Variants in ADGRG7 observed in about 807,000 individuals in gnomAD.
The protein encoded by ADGRG7 is adhesion G protein-coupled receptor G7, also known as G-protein coupled receptor 128.
In ADGRG7, 82 loss-of-function variants were observed where a neutral mutation model predicts 88.6. The ratio of observed to expected loss-of-function variants is 0.93; its 90% CI spans 0.77 to 1.11. ADGRG7 has a LOEUF of 1.11. Among genes scored for constraint, ADGRG7 ranks in the 50% most tolerant of loss-of-function variants. ADGRG7 has a pLI of 0.00. For missense variants in ADGRG7, 945 were observed against 953.4 expected, an observed-to-expected ratio of 0.99 and a Z score of 0.12; for synonymous variants, 381 against 345.2, an observed-to-expected ratio of 1.10 and a Z score of -1.15.
chr3:100,658,777 G>A (rs368500037), intron 13 of ADGRG7, among the ~76,000 whole-genome samples: 3 of 151,918 alleles, frequency 2.0e-5, no homozygotes, highest in African/African-American at 7.2e-5. Flanking sequence ...CATGGCATTC[G>A]TCACCATCTG....
At chr3:100,649,483 G>A (rs941177496) in intron 10 of ADGRG7, among the ~76,000 whole-genome samples, 1 of 152,144 alleles carries the variant, frequency 6.6e-6, no homozygotes. Flanking sequence ...GAATTAGTTA[G>A]ATAATTATTC....
At chr3:100,616,682 G>A (rs1027247139) in intron 1 of ADGRG7, among the ~76,000 whole-genome samples, 5 of 152,076 alleles carry the variant, frequency 3.3e-5, no homozygotes, top group Admixed American at 1.3e-4. Flanking sequence ...ATAACCAGGC[G>A]TAGTGGCGCC....
chr3:100,666,147 G>A (rs1247915362), intron 14 of ADGRG7, among the ~76,000 whole-genome samples: 1 of 151,854 alleles, frequency 6.6e-6, no homozygotes, highest in East Asian at 1.9e-4. Flanking sequence ...GCCTTGAAGG[G>A]GTGGGTTGCC....
chr3:100,659,569 A>G, intron 13 of ADGRG7, 119 bp from the exon 14 acceptor site: 3 of 768,460 alleles, frequency 3.9e-6, no homozygotes, highest in Non-Finnish European at 4.1e-6. Context: ...TAAAATGCAG[A>G]GGGATGTTAA....
rs1707529444 is a variant in ADGRG7, at chr3:100,635,761, A to T, written c.532A>T (p.Asn178Tyr). ...TSDANKLTAE[N>Y]ITSATRVVGQ... Reference sequence around the variant, plus strand: ...TGATGCCAATAAATTAACTGCTGAGAACATCACTAGTGCTACGCGAGTGGT... The same window carrying T: ...TGATGCCAATAAATTAACTGCTGAGTACATCACTAGTGCTACGCGAGTGGT... Residue 178 changes from asparagine (N) to tyrosine (Y), a missense_variant, in exon 5 of 16, where the codon AAC (asparagine) becomes TAC (tyrosine). Coordinates refer to ENST00000273352, the MANE Select transcript of ADGRG7 (RefSeq NM_032787.3). 6.2e-7 allele frequency: 1 copy of T among 1,614,034 alleles called. No homozygotes were observed.
intron 15 of ADGRG7, among the ~76,000 whole-genome samples, 191 bp downstream of exon 15, chr3:100,669,296 A>T (rs1145337): frequency 1.3e-5 from 2 of 151,684 alleles, no homozygotes; most frequent in African/African-American, 2.4e-5. Context: ...ACCATCCTGG[A>T]TAACATGGGG....
Position 100,655,146 on chromosome 3 carries a change from G to T in ADGRG7, c.1691G>T (p.Arg564Leu). Residue 564 changes from arginine (R) to leucine (L), a missense_variant, in exon 12 of 16, where the codon CGG becomes CTG. Coordinates refer to ENST00000273352, the MANE Select transcript of ADGRG7 (RefSeq NM_032787.3). ...LLIRTMKPLP[R>L]HFILFISLIG... is the part of the protein sequence containing the mutation. ...ATAAGGACCATGAAGCCTCTTCCTC[G>T]GCATTTCATTCTTTTCATCTCATTA... The T allele has an allele frequency of 1.9e-6, 3 of 1,612,010 alleles. No homozygotes were observed. Among genetic ancestry groups the T allele is most frequent in the Non-Finnish European group, 2.5e-6 (3 of 1,178,568 alleles).
chr3:100,667,250 T>C (rs2149034160), intron 14 of ADGRG7, among the ~76,000 whole-genome samples: 1 of 152,222 alleles, frequency 6.6e-6, no homozygotes, highest in Admixed American at 6.5e-5. Flanking sequence ...TACATAGGTA[T>C]ACATGTGCCA....
chr3:100,614,852 T>A (rs77750772), intron 1 of ADGRG7, among the ~76,000 whole-genome samples: 2,502 of 152,312 alleles, frequency 0.016, 72 homozygotes, highest in African/African-American at 0.057. Context: ...ATATGTTCTG[T>A]ATTTAAACTT....
chr3:100,658,414 T>C (rs917013295), intron 13 of ADGRG7, among the ~76,000 whole-genome samples: 9 of 152,350 alleles, frequency 5.9e-5, no homozygotes, highest in Non-Finnish European at 1.0e-4. Context: ...CCTGGATTAA[T>C]GTTTTTAAAA....
chr3:100,665,161 G>T, intron 14 of ADGRG7: 1 of 538,448 alleles, frequency 1.9e-6, no homozygotes. Flanking sequence ...TATTCTTACT[G>T]CCAGCATATA....
intron 6 of ADGRG7, among the ~76,000 whole-genome samples, chr3:100,642,491 A>G (rs1707659498): frequency 6.6e-6 from 1 of 152,236 alleles, no homozygotes; most frequent in Non-Finnish European, 1.5e-5. Flanking sequence ...TGACATATAG[A>G]ACAACTACAT....
chr3:100,637,470 T>A, intron 6 of ADGRG7, 68 bp downstream of exon 6: 2 of 996,116 alleles, frequency 2.0e-6, no homozygotes, highest in Non-Finnish European at 3.2e-6. Context: ...GCTAAAGTAT[T>A]AACAGAGATA....
chr3:100,676,155 C>T (rs1185031784), intron 15 of ADGRG7, among the ~76,000 whole-genome samples: 2 of 151,752 alleles, frequency 1.3e-5, no homozygotes, highest in African/African-American at 4.8e-5. Flanking sequence ...TTTTGATTTG[C>T]TCTTGCTTTT....
chr3:100,634,378 C>T (rs140385270), intron 4 of ADGRG7, among the ~76,000 whole-genome samples: 3 of 152,304 alleles, frequency 2.0e-5, no homozygotes, highest in Non-Finnish European at 4.4e-5. Flanking sequence ...GCACCTACTG[C>T]ATGCCAAATA....
chr3:100,643,716 A>C (rs1269955990), intron 8 of ADGRG7, 83 bp downstream of exon 8: 1 of 891,060 alleles, frequency 1.1e-6, no homozygotes, highest in African/African-American at 1.7e-5. Context: ...TAGGAGAAAT[A>C]ATGTCTACTT....
intron 1 of ADGRG7, among the ~76,000 whole-genome samples, chr3:100,628,269 T>G (rs1165250): frequency 2.0e-5 from 3 of 151,878 alleles, no homozygotes; most frequent in African/African-American, 7.3e-5. Context: ...GTTTTTTTTT[T>G]AAAAACGTTT....
At chr3:100,679,576 T>G (rs943080724) in intron 15 of ADGRG7, among the ~76,000 whole-genome samples, 2 of 152,220 alleles carry the variant, frequency 1.3e-5, no homozygotes, top group African/African-American at 4.8e-5. Context: ...CTCTCCTCCT[T>G]ACAGACTATT....
At chr3:100,679,352 C>T (rs1333271766) in intron 15 of ADGRG7, among the ~76,000 whole-genome samples, 1 of 152,206 alleles carries the variant, frequency 6.6e-6, no homozygotes, top group African/African-American at 2.4e-5. Context: ...AGGCAGTGTA[C>T]TCTCCTCAGG....
Sources: gnomAD v4.1 joint callset for allele counts (sites outside exome capture counted in the v4.1 genomes callset) on GRCh38, gnomAD v4.1.1 for gene constraint, MANE v1.5 for transcripts, NCBI Gene and HGNC (gene_info 2026-07-23, HGNC 2026-07-21) for gene names.